The following RPS6KC1 variants were observed in gnomAD, a reference collection of about 807,000 sequenced individuals.
RPS6KC1 encodes the protein ribosomal protein S6 kinase C1, also known as inactive ribosomal protein S6 kinase delta-1.
In RPS6KC1, 54 loss-of-function variants were observed where a neutral mutation model predicts 103.8. The ratio of observed to expected loss-of-function variants is 0.52; its 90% CI spans 0.42 to 0.65. RPS6KC1 has a LOEUF of 0.65. RPS6KC1 is among the 30% of genes least tolerant of loss of function. The pLI, the probability that RPS6KC1 is intolerant of heterozygous loss-of-function variation, is 0.00. For synonymous variants in RPS6KC1, 439 were observed against 438.7 expected, an observed-to-expected ratio of 1.00 and a Z score of -0.01; for missense variants, 1,151 against 1,253.8, an observed-to-expected ratio of 0.92 and a Z score of 1.24.
intron 3 of RPS6KC1, among the ~76,000 whole-genome samples, chr1:213,097,932 G>A (rs2081615267): frequency 6.6e-6 from 1 of 152,158 alleles, no homozygotes; most frequent in African/African-American, 2.4e-5. Flanking sequence ...TTGCTCTGGA[G>A]TATGCTTTGG....
chr1:213,360,346 A>C, the RPS6KC1 span, among the ~76,000 whole-genome samples: 1 of 152,218 alleles, frequency 6.6e-6, no homozygotes, highest in Non-Finnish European at 1.5e-5. Flanking sequence ...CAGTTGATTG[A>C]ATCGGCTACT....
At chr1:213,484,009 A>G in the RPS6KC1 span, among the ~76,000 whole-genome samples, 1 of 152,156 alleles carries the variant, frequency 6.6e-6, no homozygotes, top group African/African-American at 2.4e-5. Context: ...CTTATTCTTA[A>G]AATGCTGTCT....
chr1:213,197,625 T>G (rs2093001761), intron 8 of RPS6KC1, among the ~76,000 whole-genome samples: 1 of 152,184 alleles, frequency 6.6e-6, no homozygotes, highest in African/African-American at 2.4e-5. Context: ...ACTGTTGGTG[T>G]ATAAGTGCTG....
the RPS6KC1 span, among the ~76,000 whole-genome samples, chr1:213,549,612 CTTTTTTTTTTTTTTTT>C: frequency 1.2e-5 from 1 of 86,914 alleles, no homozygotes; most frequent in Non-Finnish European, 2.2e-5. Flanking sequence ...TTTTCTTTTC[CTTTTTTTTTTTTTTTT>C]TTTTTTTTTG....
At chr1:213,491,088 G>A in the RPS6KC1 span, among the ~76,000 whole-genome samples, 1 of 152,168 alleles carries the variant, frequency 6.6e-6, no homozygotes, top group East Asian at 1.9e-4. Flanking sequence ...CACCTACCAG[G>A]CCTGTGGTGG....
the RPS6KC1 span, among the ~76,000 whole-genome samples, chr1:213,831,421 G>A: frequency 6.6e-6 from 1 of 152,204 alleles, no homozygotes; most frequent in Non-Finnish European, 1.5e-5. Flanking sequence ...AGGAATGCAG[G>A]TGGCCTCTAA....
Position 213,129,813 on chromosome 1 carries a change from GGAA to G in RPS6KC1, c.768_770del (p.Glu256del), listed in dbSNP as rs757453154. 1.2e-6 allele frequency: 2 copies of G among 1,613,568 alleles called. No individual in the cohort carries two copies. The highest frequency in any genetic ancestry group is 1.7e-6 in the Non-Finnish European group (2 of 1,179,896). On this transcript the variant is annotated inframe_deletion, in exon 6 of 15. Coordinates refer to ENST00000366960, the MANE Select transcript of RPS6KC1 (RefSeq NM_012424.6). ...AATTAATAAAGCTGGCTTTAAAAAA[GGAA>G]GAAGAAGACGACTATGAAGCTGCTT...
At chr1:213,298,344 T>C in the RPS6KC1 span, among the ~76,000 whole-genome samples, 1 of 152,244 alleles carries the variant, frequency 6.6e-6, no homozygotes, top group Non-Finnish European at 1.5e-5. Flanking sequence ...GGCAATTATC[T>C]TGGATTCTAT....
intron 6 of RPS6KC1, among the ~76,000 whole-genome samples, chr1:213,167,528 A>C (rs1486818000): frequency 6.7e-6 from 1 of 150,034 alleles, no homozygotes; most frequent in Non-Finnish European, 1.5e-5. Context: ...TGAGTTGCTT[A>C]GTTGTATAAT....
the RPS6KC1 span, among the ~76,000 whole-genome samples, chr1:213,454,147 T>TCG: frequency 6.6e-6 from 1 of 150,480 alleles, no homozygotes; most frequent in African/African-American, 2.5e-5. Flanking sequence ...TTTGACCACA[T>TCG]GGGGGGGGTC....
chr1:213,192,947 C>G (rs61834138), intron 8 of RPS6KC1, among the ~76,000 whole-genome samples: 5,139 of 152,094 alleles, frequency 0.034, 114 homozygotes, highest in Middle Eastern at 0.054. Context: ...CTTTGTGGAC[C>G]CACTGGCCAT....
the RPS6KC1 span, among the ~76,000 whole-genome samples, chr1:213,837,040 T>A: frequency 6.6e-6 from 1 of 152,216 alleles, no homozygotes; most frequent in Non-Finnish European, 1.5e-5. Flanking sequence ...ATTTATGGTT[T>A]GTTTGTTTTT....
the RPS6KC1 span, among the ~76,000 whole-genome samples, chr1:213,351,048 G>A: frequency 3.3e-5 from 5 of 152,050 alleles, no homozygotes; most frequent in Admixed American, 2.6e-4. Context: ...TTTAGATTTA[G>A]TTTATTTTCA....
chr1:213,836,085 GA>G, the RPS6KC1 span: 6 of 151,700 alleles, frequency 4.0e-5, no homozygotes, highest in Non-Finnish European at 8.8e-5. Flanking sequence ...ACAGAAAAAA[GA>G]AAAGAAACAA....
At chr1:213,343,257 G>C in the RPS6KC1 span, among the ~76,000 whole-genome samples, 3 of 150,896 alleles carry the variant, frequency 2.0e-5, no homozygotes, top group Non-Finnish European at 4.4e-5. Flanking sequence ...GAAAAGTTAA[G>C]AGGTAGGGAT....
chr1:213,106,616 A>G (rs140666002), intron 4 of RPS6KC1, among the ~76,000 whole-genome samples: 1 of 152,206 alleles, frequency 6.6e-6, no homozygotes, highest in South Asian at 2.1e-4. Flanking sequence ...GTGCTATAGT[A>G]TCATAGTTTA....
chr1:213,602,066 CTT>C, the RPS6KC1 span, among the ~76,000 whole-genome samples: 13 of 61,140 alleles, frequency 2.1e-4, no homozygotes, highest in African/African-American at 5.9e-4. Context: ...CTCTTTCTTT[CTT>C]TCTTTCTTTC....
the RPS6KC1 span, among the ~76,000 whole-genome samples, chr1:213,858,420 C>T: frequency 2.0e-5 from 3 of 152,036 alleles, no homozygotes; most frequent in Non-Finnish European, 4.4e-5. Flanking sequence ...CTTCAAGTCA[C>T]ATGTTGGGGG....
At chr1:213,354,459 A>G in the RPS6KC1 span, among the ~76,000 whole-genome samples, 1 of 152,188 alleles carries the variant, frequency 6.6e-6, no homozygotes, top group Non-Finnish European at 1.5e-5. Flanking sequence ...AGATATTTTT[A>G]TTCTGATGAG....
Sources: gnomAD v4.1 joint callset for allele counts (sites outside exome capture counted in the v4.1 genomes callset) on GRCh38, gnomAD v4.1.1 for gene constraint, MANE v1.5 for transcripts, NCBI Gene and HGNC (gene_info 2026-07-23, HGNC 2026-07-21) for gene names.